GATAD2B: variants seen among roughly 807,000 people sequenced by gnomAD.
GATAD2B encodes transcriptional repressor p66-beta.
In GATAD2B, 8 loss-of-function variants were observed where a neutral mutation model predicts 64.3. The ratio of observed to expected loss-of-function variants is 0.12; its 90% CI spans 0.07 to 0.22. The LOEUF (loss-of-function observed/expected upper bound fraction) is 0.22, where lower values mean the gene tolerates loss of function less well. Ranked by LOEUF, GATAD2B falls within the 10% of genes least tolerant of loss-of-function variation. The pLI is 1.00. For synonymous variants in GATAD2B, 281 were observed against 271.3 expected (o/e 1.04, Z -0.35); for missense variants, 453 against 752.0 (o/e 0.60, Z 4.65).
chr1:153,818,885 T>C lies in GATAD2B; in HGVS notation c.503A>G (p.Gln168Arg). Reference protein sequence around the residue: ...GIEERQQLIKQLRDELRLEEA... With the variant: ...GIEERQQLIKRLRDELRLEEA... ...TTCCAATCGTAGCTCATCCCTCAGCTGCTTGATAAGCTGCTGCCGCTCCTC... is the reference window on the plus strand; with the variant it reads ...TTCCAATCGTAGCTCATCCCTCAGCCGCTTGATAAGCTGCTGCCGCTCCTC... The change falls in exon 4 of 11, where the codon CAG (glutamine) becomes CGG (arginine). Residue 168 changes from glutamine to arginine, a missense_variant. Coordinates refer to ENST00000368655, the MANE Select transcript of GATAD2B (RefSeq NM_020699.4). 6.2e-7 allele frequency: 1 copy of C among 1,612,476 alleles called. No individual in the cohort carries two copies. Among genetic ancestry groups the C allele is most frequent in the Non-Finnish European group, 8.5e-7 (1 of 1,179,498 alleles).
chr1:153,901,510 T>C (rs1306905920), intron 1 of GATAD2B, among the ~76,000 whole-genome samples: 3 of 152,132 alleles, frequency 2.0e-5, no homozygotes, highest in African/African-American at 4.8e-5. Flanking sequence ...GAAAGTTAAC[T>C]AGCTGATTGA....
intron 1 of GATAD2B, among the ~76,000 whole-genome samples, chr1:153,911,905 G>C (rs765292236): frequency 6.6e-6 from 1 of 152,102 alleles, no homozygotes; most frequent in Non-Finnish European, 1.5e-5. Context: ...CAACACAACT[G>C]AATCTAGAAC....
At chr1:153,826,000 AACTG>A (rs1365264319) in intron 2 of GATAD2B, among the ~76,000 whole-genome samples, 2 of 128,276 alleles carry the variant, frequency 1.6e-5, no homozygotes, top group African/African-American at 2.6e-5. Context: ...ACTATTTATA[AACTG>A]ACTTTTTTTT....
Position 153,807,271 on chromosome 1 carries a change from G to A in GATAD2B, c.*2906C>T, listed in dbSNP as rs1674138565. ...CTGTCCTTAGGGCATGAGGTTTAGT[G>A]TCTACACGGCCCAGAGCCTGGAGAT... is the stretch of plus-strand genomic sequence containing the variant. On this transcript the variant is annotated 3_prime_UTR_variant, in exon 11 of 11. Transcript: ENST00000368655. 1 of 152,138 alleles carries A rather than the reference G, an allele frequency of 6.6e-6. No individual in the cohort carries two copies. The highest frequency in any genetic ancestry group is 2.1e-4 in the South Asian group (1 of 4,826). 9.4% of individuals were successfully genotyped at this position (152,138 alleles called of 1,614,324 possible).
chr1:153,871,444 C>G (rs966114438), intron 1 of GATAD2B, among the ~76,000 whole-genome samples: 3 of 151,902 alleles, frequency 2.0e-5, no homozygotes, highest in Admixed American at 6.6e-5. Context: ...CCTAGTGATC[C>G]ATCTGCCTTG....
chr1:153,832,721 G>A (rs988879667), intron 1 of GATAD2B, among the ~76,000 whole-genome samples: 1 of 152,070 alleles, frequency 6.6e-6, no homozygotes, highest in African/African-American at 2.4e-5. Flanking sequence ...CATAATGCTG[G>A]GGTTTGGGCT....
chr1:153,901,156 G>A (rs1307844820), intron 1 of GATAD2B, among the ~76,000 whole-genome samples: 6 of 151,672 alleles, frequency 4.0e-5, no homozygotes, highest in Non-Finnish European at 7.4e-5. Context: ...AGAGGTTGCA[G>A]TAAGCCGCCA....
At chr1:153,894,391 C>A (rs530349709) in intron 1 of GATAD2B, among the ~76,000 whole-genome samples, 5 of 151,844 alleles carry the variant, frequency 3.3e-5, no homozygotes, top group African/African-American at 1.2e-4. Context: ...TCGCTTCAAC[C>A]CAGAAGGCAG....
At position 153,816,425 on chromosome 1, in the gene GATAD2B, G is replaced by A. The variant is rs748294862; in HGVS notation, c.1064C>T (p.Ala355Val). The A allele has an allele frequency of 6.2e-7, 1 of 1,614,212 alleles. No homozygotes were observed. The highest frequency in any genetic ancestry group is 8.5e-7 in the Non-Finnish European group (1 of 1,180,016). ...TGTCTTTTCCAGCTGTTTGCGAAGA[G>A]CCAATTTGGCTGCAGCCTGTGAGTT... ...AANSQAAAKL[A>V]LRKQLEKTLL... Residue 355 changes from alanine to valine, a missense_variant, in exon 7 of 11, where the codon GCT becomes GTT. Physicochemically the swap from Ala to Val is moderately conservative, Grantham distance 64. This residue lies in a region of GATAD2B where 160 missense variants were observed against 334.7 expected (regional missense o/e 0.48). Transcript: ENST00000368655. This position sits in a 1 kb window ranked among gnomAD's most constrained non-coding sequence, Gnocchi z 4.9.
At chr1:153,836,717 G>T (rs1473689177) in intron 1 of GATAD2B, among the ~76,000 whole-genome samples, 1 of 152,034 alleles carries the variant, frequency 6.6e-6, no homozygotes, top group East Asian at 1.9e-4. Context: ...CATTTAAGTT[G>T]ATATACTACA....
At chr1:153,859,496 C>T (rs982242218) in intron 1 of GATAD2B, among the ~76,000 whole-genome samples, 13 of 151,804 alleles carry the variant, frequency 8.6e-5, no homozygotes, top group African/African-American at 2.9e-4. Flanking sequence ...ACAGTGAAAC[C>T]CTGTCTCTAC....
chr1:153,830,443 G>A (rs1331627963), intron 1 of GATAD2B, among the ~76,000 whole-genome samples: 1 of 141,652 alleles, frequency 7.1e-6, no homozygotes, highest in African/African-American at 2.6e-5. Context: ...ACTGTGCCCG[G>A]CCTGTTTTTA....
chr1:153,886,290 T>C (rs918820213), intron 1 of GATAD2B: 2 of 152,316 alleles, frequency 1.3e-5, no homozygotes, highest in East Asian at 1.9e-4. Context: ...CTAGATGGTA[T>C]AGCCTATTGC....
At chr1:153,861,822 A>ATATATGTATATG (rs200223289) in intron 1 of GATAD2B, among the ~76,000 whole-genome samples, 5 of 136,256 alleles carry the variant, frequency 3.7e-5, no homozygotes, top group South Asian at 4.6e-4. Flanking sequence ...ACATATGTAT[A>ATATATGTATATG]TATATGTATA....
intron 1 of GATAD2B, among the ~76,000 whole-genome samples, chr1:153,837,896 TC>T (rs1313038596): frequency 6.6e-6 from 1 of 152,226 alleles, no homozygotes; most frequent in African/African-American, 2.4e-5. Flanking sequence ...TCTTCTGTGA[TC>T]CTAATAATAA....
At chr1:153,838,961 T>C (rs1463591809) in intron 1 of GATAD2B, among the ~76,000 whole-genome samples, 1 of 151,520 alleles carries the variant, frequency 6.6e-6, no homozygotes, top group African/African-American at 2.4e-5. Context: ...AATACAAAAA[T>C]TGCCGGGTGT....
At position 153,810,155 on chromosome 1, in the gene GATAD2B, G is replaced by A; in HGVS notation, c.*22C>T. On this transcript the variant is annotated 3_prime_UTR_variant, in exon 11 of 11. Transcript: ENST00000368655. ...AAAGGGATAAAGGATTCAAGGATGGGGCAGTACAAGTGGAACAGGCGTTAT... is the reference window on the plus strand; with the variant it reads ...AAAGGGATAAAGGATTCAAGGATGGAGCAGTACAAGTGGAACAGGCGTTAT... The A allele has an allele frequency of 6.2e-7, 1 of 1,600,490 alleles. No individual in the cohort carries two copies. Among genetic ancestry groups the A allele is most frequent in the South Asian group, 1.1e-5 (1 of 89,440 alleles).
chr1:153,851,964 T>C (rs1001025419), intron 1 of GATAD2B: 15 of 295,298 alleles, frequency 5.1e-5, no homozygotes, highest in Admixed American at 9.9e-5. Context: ...TTAATCCAGC[T>C]GGAAATAACT....
At chr1:153,811,588 G>A in intron 10 of GATAD2B, 143 bp downstream of exon 10, 2 of 712,022 alleles carry the variant, frequency 2.8e-6, no homozygotes, top group South Asian at 3.2e-5. Flanking sequence ...GCAAACATTT[G>A]CTGAGTAACA....
Sources: allele counts gnomAD v4.1 joint callset (sites outside exome capture counted in the v4.1 genomes callset), GRCh38; gene constraint gnomAD v4.1.1; regional missense constraint gnomAD v4.1.1; non-coding constraint Gnocchi (gnomAD v3.1); transcripts MANE v1.5; gene names NCBI Gene and HGNC (gene_info 2026-07-23, HGNC 2026-07-21).